The following C11orf65 variants were observed in gnomAD, a reference collection of about 807,000 sequenced individuals.
C11orf65 encodes protein MFI.
A neutral mutation model predicts 35.3 loss-of-function variants in C11orf65; 38 were observed. The ratio of observed to expected loss-of-function variants is 1.08; its 90% CI spans 0.83 to 1.41. The LOEUF is 1.41. Among genes scored for constraint, C11orf65 ranks in the 40% most tolerant of loss-of-function variants. The pLI is 0.00. For missense variants in C11orf65, 370 were observed against 367.1 expected (o/e 1.01, Z -0.06); for synonymous variants, 105 against 114.4 (o/e 0.92, Z 0.53).
intron 7 of C11orf65, among the ~76,000 whole-genome samples, chr11:108,388,146 C>G (rs2092057228): frequency 6.6e-6 from 1 of 152,074 alleles, no homozygotes; most frequent in South Asian, 2.1e-4. Context: ...TTCAAGAAAC[C>G]AAGATAAAAG....
At chr11:108,408,032 A>ATT (rs1275087863) in intron 3 of C11orf65, among the ~76,000 whole-genome samples, 2 of 121,608 alleles carry the variant, frequency 1.6e-5, no homozygotes, top group South Asian at 5.6e-4. Flanking sequence ...TTATTATTTT[A>ATT]TTATTACACT....
At chr11:108,324,735 T>C (rs2085483789) in intron 6 of C11orf65, among the ~76,000 whole-genome samples, 1 of 152,228 alleles carries the variant, frequency 6.6e-6, no homozygotes, top group South Asian at 2.1e-4. Context: ...TATTTCATAG[T>C]TCAGTTATTT....
chr11:108,321,321 T>C lies in C11orf65; in HGVS notation c.641-12250A>G, dbSNP rs1453101465. On this transcript the variant is annotated intron_variant, in intron 6 of 6. Coordinates refer to the C11orf65 transcript ENST00000525729. ...ACTAGAGTAAAAGAAGTGGAAGAGATGTGTAAGCGCAGCCTTGAGTCTGTG... is the reference window on the plus strand; with the variant it reads ...ACTAGAGTAAAAGAAGTGGAAGAGACGTGTAAGCGCAGCCTTGAGTCTGTG... 6.2e-7 allele frequency: 1 copy of C among 1,614,162 alleles called. No individual in the cohort carries two copies. The highest frequency in any genetic ancestry group is 1.7e-5 in the Admixed American group (1 of 60,026).
chr11:108,393,116 T>G, intron 7 of C11orf65, 92 bp downstream of exon 7: 1 of 1,353,646 alleles, frequency 7.4e-7, no homozygotes, highest in Non-Finnish European at 1.0e-6. Flanking sequence ...GAAGATTGTT[T>G]GTGGCCCCAA....
At chr11:108,392,377 T>C (rs758089713) in intron 7 of C11orf65, among the ~76,000 whole-genome samples, 2 of 152,192 alleles carry the variant, frequency 1.3e-5, no homozygotes, top group Non-Finnish European at 2.9e-5. Context: ...TTCTATTGGA[T>C]AGATCTATCA....
At chr11:108,459,726 TACACACACACAC>T (rs60928526) in intron 2 of C11orf65, among the ~76,000 whole-genome samples, 79 of 138,662 alleles carry the variant, frequency 5.7e-4, no homozygotes, top group Admixed American at 1.5e-3. Context: ...GTCCTCCGTC[TACACACACACAC>T]ACACACACAC....
intron 6 of C11orf65, among the ~76,000 whole-genome samples, chr11:108,317,083 A>G (rs530574568): frequency 2.0e-5 from 3 of 146,882 alleles, no homozygotes; most frequent in Non-Finnish European, 3.0e-5. Context: ...ACAGGTACAC[A>G]CTACCATACC....
chr11:108,450,969 A>G (rs1367485255), intron 2 of C11orf65, among the ~76,000 whole-genome samples: 1 of 151,922 alleles, frequency 6.6e-6, no homozygotes, highest in African/African-American at 2.4e-5. Flanking sequence ...TCTTCATGCT[A>G]AAAACTCTCA....
At chr11:108,312,366 C>A in intron 6 of C11orf65, 1 of 1,432,040 alleles carries the variant, frequency 7.0e-7, no homozygotes, top group Non-Finnish European at 9.9e-7. Context: ...CAGGAGCTTC[C>A]AAATAGTATG....
chr11:108,455,665 A>T (rs1254570928), intron 2 of C11orf65, among the ~76,000 whole-genome samples: 1 of 151,784 alleles, frequency 6.6e-6, no homozygotes, highest in Non-Finnish European at 1.5e-5. Context: ...AAAATACAAA[A>T]ATTAGTCAGG....
intron 2 of C11orf65, among the ~76,000 whole-genome samples, chr11:108,341,301 G>A (rs1000994696): frequency 4.6e-5 from 7 of 152,046 alleles, no homozygotes; most frequent in African/African-American, 1.7e-4. Flanking sequence ...TTCTGCTGCA[G>A]TGTTACCCTC....
intron 2 of C11orf65, among the ~76,000 whole-genome samples, chr11:108,340,598 T>TTA (rs965576061): frequency 3.3e-5 from 5 of 152,226 alleles, no homozygotes; most frequent in Admixed American, 2.6e-4. Context: ...TCTCTGTAGA[T>TTA]ACTAGAGTTT....
At chr11:108,322,842 G>T (rs1207890346) in intron 6 of C11orf65, among the ~76,000 whole-genome samples, 1 of 151,248 alleles carries the variant, frequency 6.6e-6, no homozygotes, top group African/African-American at 2.4e-5. Context: ...TTCGGTTTTA[G>T]CACTGCATTG....
At chr11:108,334,423 A>G (rs2086610529) in intron 3 of C11orf65, among the ~76,000 whole-genome samples, 1 of 152,226 alleles carries the variant, frequency 6.6e-6, no homozygotes, top group Admixed American at 6.5e-5. Context: ...TGATACACTT[A>G]GCTCTGTTCT....
chr11:108,316,944 A>T (rs2084715774), intron 6 of C11orf65, among the ~76,000 whole-genome samples: 1 of 151,466 alleles, frequency 6.6e-6, no homozygotes, highest in Admixed American at 6.6e-5. Flanking sequence ...ATAAATAAAT[A>T]AATTTTAGAG....
chr11:108,359,388 G>A (rs1249442337), intron 2 of C11orf65, among the ~76,000 whole-genome samples: 2 of 152,000 alleles, frequency 1.3e-5, no homozygotes, highest in African/African-American at 2.4e-5. Flanking sequence ...ACAGATCAAC[G>A]AGATAAAAAG....
At chr11:108,435,172 C>T (rs2093044033) in intron 2 of C11orf65, among the ~76,000 whole-genome samples, 1 of 152,254 alleles carries the variant, frequency 6.6e-6, no homozygotes, top group Admixed American at 6.5e-5. Flanking sequence ...GAAAATTTTG[C>T]TTCCTGTCCT....
At chr11:108,323,859 A>G (rs1201296184) in intron 6 of C11orf65, among the ~76,000 whole-genome samples, 1 of 152,178 alleles carries the variant, frequency 6.6e-6, no homozygotes, top group African/African-American at 2.4e-5. Flanking sequence ...AAAACATTAA[A>G]TAATAACAAA....
chr11:108,430,381 C>T (rs1016607659), intron 3 of C11orf65, among the ~76,000 whole-genome samples: 3 of 150,360 alleles, frequency 2.0e-5, no homozygotes, highest in Non-Finnish European at 3.0e-5. Flanking sequence ...CCTCGTGATC[C>T]GCCCGCCTCG....
Sources: gnomAD v4.1 joint callset for allele counts (sites outside exome capture counted in the v4.1 genomes callset) on GRCh38, gnomAD v4.1.1 for gene constraint, MANE v1.5 for transcripts, NCBI Gene and HGNC (gene_info 2026-07-23, HGNC 2026-07-21) for gene names.